The following DPYD variants were observed in gnomAD, a reference collection of about 807,000 sequenced individuals.
DPYD encodes the protein dihydropyrimidine dehydrogenase.
In DPYD, 109 loss-of-function variants were observed where a neutral mutation model predicts 116.2. The observed-to-expected ratio is 0.94, with a 90% CI of 0.80 to 1.10. DPYD has a LOEUF of 1.10. DPYD is among the 50% of genes least tolerant of loss of function. DPYD has a pLI of 0.00. For missense variants in DPYD, 1,302 were observed against 1,254.5 expected (o/e 1.04, Z -0.57); for synonymous variants, 440 against 432.0 (o/e 1.02, Z -0.23).
intron 12 of DPYD, among the ~76,000 whole-genome samples, chr1:97,535,018 A>G (rs529494302): frequency 7.9e-5 from 12 of 152,252 alleles, no homozygotes; most frequent in Admixed American, 2.6e-4. Flanking sequence ...TTCTACCTCT[A>G]TGATGACAAA....
intron 8 of DPYD, among the ~76,000 whole-genome samples, chr1:97,675,751 CTTT>C (rs771245189): frequency 1.4e-5 from 2 of 142,242 alleles, no homozygotes; most frequent in South Asian, 2.2e-4. Context: ...GAAAGTATCT[CTTT>C]TTTTTTTTTT....
chr1:97,828,605 A>G (rs1669369347), intron 2 of DPYD, among the ~76,000 whole-genome samples: 1 of 152,068 alleles, frequency 6.6e-6, no homozygotes. Flanking sequence ...CATAAACAGT[A>G]TACAATAAAT....
intron 5 of DPYD, among the ~76,000 whole-genome samples, chr1:97,710,680 G>T (rs1250593520): frequency 1.3e-5 from 2 of 151,420 alleles, no homozygotes; most frequent in Non-Finnish European, 3.0e-5. Flanking sequence ...CAATTTGGTA[G>T]GTATTGTTTA....
rs144003088 is a variant in DPYD, at chr1:97,787,445, T to C, written c.233+40669A>G. Reference sequence around the variant, plus strand: ...CATTTAGAATAATGGCAGTCATCCATGGCAAAGTTCCCCTGCTAGTCTGTA... The same window carrying C: ...CATTTAGAATAATGGCAGTCATCCACGGCAAAGTTCCCCTGCTAGTCTGTA... On this transcript the variant is annotated intron_variant, in intron 3 of 22. Transcript: ENST00000370192. Among the ~76,000 whole-genome samples, 562 of 152,320 alleles carry C rather than the reference T, an allele frequency of 3.7e-3. 4 individuals are homozygous for C. The highest frequency in any genetic ancestry group is 0.013 in the African/African-American group (520 of 41,586).
intron 6 of DPYD, among the ~76,000 whole-genome samples, chr1:97,696,314 C>T (rs1198396312): frequency 6.6e-6 from 1 of 151,960 alleles, no homozygotes; most frequent in Non-Finnish European, 1.5e-5. Context: ...GGAAGAGAAG[C>T]AACATTGATC....
chr1:97,141,814 G>A (rs949442688), intron 20 of DPYD, among the ~76,000 whole-genome samples: 3 of 152,108 alleles, frequency 2.0e-5, no homozygotes, highest in African/African-American at 7.2e-5. Context: ...TAGATGCCCA[G>A]AGGCCTCTGT....
chr1:97,398,439 T>C (rs1673142454), intron 14 of DPYD, among the ~76,000 whole-genome samples: 2 of 152,194 alleles, frequency 1.3e-5, no homozygotes, highest in African/African-American at 2.4e-5. Context: ...CAGCATGATT[T>C]ATAGTCCTTT....
intron 6 of DPYD, among the ~76,000 whole-genome samples, chr1:97,695,227 C>T (rs1247682702): frequency 6.6e-6 from 1 of 151,814 alleles, no homozygotes; most frequent in Non-Finnish European, 1.5e-5. Context: ...TTGAAAATAG[C>T]TATATCCTTC....
chr1:97,194,498 T>C (rs926664413), intron 19 of DPYD, among the ~76,000 whole-genome samples: 1 of 152,010 alleles, frequency 6.6e-6, no homozygotes, highest in Non-Finnish European at 1.5e-5. Context: ...CAGGTATATC[T>C]TTTTATTTAT....
rs559633027 is a variant in DPYD, at chr1:97,673,387, C to T, written c.850+5708G>A. Reference sequence around the variant, plus strand: ...AAATTATAATAATGTAAAATGTATTCCCCCTGGGTTTGGGCAATGTTATAA... The same window carrying T: ...AAATTATAATAATGTAAAATGTATTTCCCCTGGGTTTGGGCAATGTTATAA... On this transcript the variant is annotated intron_variant, in intron 8 of 22. Coordinates refer to ENST00000370192, the MANE Select transcript of DPYD (RefSeq NM_000110.4). 2.0e-5 allele frequency among the ~76,000 whole-genome samples: 3 copies of T among 152,134 alleles called. No homozygotes were observed. In the East Asian group the frequency reaches 5.8e-4, roughly 29 times the overall value.
chr1:97,377,852 T>G (rs1171279303), intron 15 of DPYD, among the ~76,000 whole-genome samples: 3 of 152,074 alleles, frequency 2.0e-5, no homozygotes, highest in Non-Finnish European at 2.9e-5. Context: ...GCCAGAAGGA[T>G]GTCTACATGG....
At chr1:97,655,381 C>T (rs139886578) in intron 8 of DPYD, among the ~76,000 whole-genome samples, 1 of 152,282 alleles carries the variant, frequency 6.6e-6, no homozygotes, top group Non-Finnish European at 1.5e-5. Flanking sequence ...AGCTCTCCTA[C>T]TCTGTTAAGC....
At chr1:97,776,577 A>G (rs1666418001) in intron 3 of DPYD, among the ~76,000 whole-genome samples, 1 of 152,146 alleles carries the variant, frequency 6.6e-6, no homozygotes, top group South Asian at 2.1e-4. Context: ...TAGTTTTTCT[A>G]TGCTTTTCAA....
chr1:97,813,718 A>C (rs1367419194), intron 3 of DPYD, among the ~76,000 whole-genome samples: 2 of 152,208 alleles, frequency 1.3e-5, no homozygotes, highest in Non-Finnish European at 2.9e-5. Context: ...GCCTGAAGTT[A>C]GAAAACATAC....
At chr1:97,885,253 T>C (rs776444300) in intron 1 of DPYD, among the ~76,000 whole-genome samples, 1 of 152,010 alleles carries the variant, frequency 6.6e-6, no homozygotes, top group East Asian at 1.9e-4. Flanking sequence ...AAAAATGAAC[T>C]CTTATTGAGA....
At chr1:97,113,010 C>T (rs1174747074) in intron 20 of DPYD, among the ~76,000 whole-genome samples, 2 of 152,146 alleles carry the variant, frequency 1.3e-5, no homozygotes, top group African/African-American at 4.8e-5. Context: ...CTTTTCTCCT[C>T]ATCTCTGTTA....
chr1:97,740,456 G>A lies in DPYD; in HGVS notation c.257C>T (p.Pro86Leu), dbSNP rs568132506. Residue 86 changes from proline to leucine, a missense_variant, in exon 4 of 23, where the codon CCG (proline) becomes CTG (leucine). Transcript: ENST00000370192. Reference sequence around the variant, plus strand: ...ATTAGTTGGACAGCTCTTCTGACACGGGGCATCTGCACATTTCAGGCATCT... The same window carrying A: ...ATTAGTTGGACAGCTCTTCTGACACAGGGCATCTGCACATTTCAGGCATCT... ...AMRCLKCADA[P>L]CQKSCPTNLD... The A allele has an allele frequency of 8.1e-5, 130 of 1,612,888 alleles. No individual in the cohort carries two copies. The Middle Eastern group carries it at 1.8e-3, about 23-fold the overall frequency.
chr1:97,717,150 G>A (rs72977724), intron 5 of DPYD, among the ~76,000 whole-genome samples: 15,534 of 152,016 alleles, frequency 0.1, 897 homozygotes, highest in Admixed American at 0.16. Flanking sequence ...AAGATCTACT[G>A]TTCAGTAGCA....
chr1:97,148,251 T>G (rs114721969), intron 20 of DPYD, among the ~76,000 whole-genome samples: 1,893 of 74,066 alleles, frequency 0.026, 53 homozygotes, highest in African/African-American at 0.13. Context: ...TGTGTGTGTG[T>G]GTGGGGGGGG....
Sources: allele counts gnomAD v4.1 joint callset (sites outside exome capture counted in the v4.1 genomes callset), GRCh38; gene constraint gnomAD v4.1.1; transcripts MANE v1.5; gene names NCBI Gene and HGNC (gene_info 2026-07-23, HGNC 2026-07-21).